Variants in SCEL observed in about 807,000 individuals in gnomAD.
The protein encoded by SCEL is sciellin.
A neutral mutation model predicts 117.6 loss-of-function variants in SCEL; 113 were observed. That is an observed-to-expected ratio of 0.96 (90% CI 0.83 to 1.12). The LOEUF is 1.12. Ranked by LOEUF, SCEL falls within the 50% of genes most tolerant of loss-of-function variation. The probability of loss-of-function intolerance (pLI) is 0.00; values close to 1 mark genes in which losing one functional copy is unlikely to be tolerated. For synonymous variants in SCEL, 270 were observed against 256.2 expected, an observed-to-expected ratio of 1.05 and a Z score of -0.51; for missense variants, 785 against 810.8, an observed-to-expected ratio of 0.97 and a Z score of 0.39.
intron 30 of SCEL, among the ~76,000 whole-genome samples, chr13:77,639,880 A>T (rs9600906): frequency 0.023 from 3,494 of 152,214 alleles, 132 homozygotes; most frequent in African/African-American, 0.08. Flanking sequence ...GGTGCTATTT[A>T]AGAGTGTCCT....
Position 77,613,892 on chromosome 13 carries a change from G to C in SCEL, c.1389-1G>C. ...GCCGATTTCCTCTAATTTTGTTTTA[G>C]CAGTGAACAAGGTCTTGATGAACAT... On this transcript the variant is annotated splice_acceptor_variant, in intron 23 of 32. Coordinates refer to ENST00000349847, the MANE Select transcript of SCEL (RefSeq NM_144777.3). LOFTEE classifies it high-confidence loss of function. 1 of 1,612,910 alleles carries C rather than the reference G, an allele frequency of 6.2e-7. No homozygotes were observed. The highest frequency in any genetic ancestry group is 1.1e-5 in the South Asian group (1 of 90,912).
rs76519599 is a variant in SCEL at position 77,612,852 on chromosome 13, T to G, written c.1338-39T>G. 5.9e-3 allele frequency: 6,994 copies of G among 1,186,612 alleles called. 262 individuals are homozygous for G. The African/African-American group carries it at 0.095, about 16-fold the overall frequency. 73.5% of individuals were successfully genotyped at this position (1,186,612 alleles called of 1,614,324 possible). ...TGAAAAAATATACAAATTATTGGAT[T>G]TTAGTTGACTTAGCTATTGAAACTT... On this transcript the variant is annotated intron_variant, in intron 22 of 32. Coordinates refer to ENST00000349847, the MANE Select transcript of SCEL (RefSeq NM_144777.3).
At position 77,644,868 on chromosome 13, in the gene SCEL, A is replaced by G. The variant is rs1162857349; in HGVS notation, c.*594A>G. 6.6e-6 allele frequency: 1 copy of G among 152,312 alleles called. No individual in the cohort carries two copies. The highest frequency in any genetic ancestry group is 1.5e-5 in the Non-Finnish European group (1 of 68,150). 9.4% of individuals were successfully genotyped at this position (152,312 alleles called of 1,614,324 possible). Reference sequence around the variant, plus strand: ...TTTCTAGGGTTCCTTTTGCTTCCCAAATTCTCTGATTCTAAAGCAGTTTTT... The same window carrying G: ...TTTCTAGGGTTCCTTTTGCTTCCCAGATTCTCTGATTCTAAAGCAGTTTTT... On this transcript the variant is annotated 3_prime_UTR_variant, in exon 33 of 33. Transcript: ENST00000349847.
rs1011711781 is a variant in SCEL at position 77,586,788 on chromosome 13, T to C, written c.546-2356T>C. ...TTGGAGGGTTTATGCAGCCAGACTT[T>C]CCCTTTCAGATTCCCAGCTCTGCCC... On this transcript the variant is annotated intron_variant, in intron 9 of 32. Coordinates refer to ENST00000349847, the MANE Select transcript of SCEL (RefSeq NM_144777.3). Among the ~76,000 whole-genome samples, 4 of 152,296 alleles carry C rather than the reference T, an allele frequency of 2.6e-5. No homozygotes were observed. The South Asian group carries it at 6.2e-4, about 24-fold the overall frequency.
intron 18 of SCEL, 126 bp from the exon 19 acceptor site, chr13:77,604,230 C>G (rs2087939786): frequency 7.3e-6 from 4 of 547,434 alleles, no homozygotes; most frequent in African/African-American, 2.0e-5. Context: ...TCTTTTAGAG[C>G]TTTAAAAATT....
In SCEL at chr13:77,623,642, T is replaced by TA. The variant is rs990378435; in HGVS notation, c.1629-4304dup. On this transcript the variant is annotated intron_variant, in intron 27 of 32. Transcript: ENST00000349847. ...GCACGCATAGGTTGCAATTTTGAGTTATCTATCTGTAGTTGTTGGATTTTT... is the reference window on the plus strand; with the variant it reads ...GCACGCATAGGTTGCAATTTTGAGTTAATCTATCTGTAGTTGTTGGATTTTT... Among the ~76,000 whole-genome samples the TA allele has an allele frequency of 8.5e-5, 13 of 152,332 alleles. No individual in the cohort carries two copies. In the Middle Eastern group the frequency reaches 0.01, roughly 120 times the overall value.
intron 27 of SCEL, chr13:77,623,337 T>C (rs1432337092): frequency 6.6e-6 from 1 of 152,196 alleles, no homozygotes. Flanking sequence ...TATTTTGCAT[T>C]AAATATTAGT....
At chr13:77,586,724 T>C (rs1400113034) in intron 9 of SCEL, among the ~76,000 whole-genome samples, 1 of 152,162 alleles carries the variant, frequency 6.6e-6, no homozygotes. Flanking sequence ...ACTGAGCCAT[T>C]GGTATGGCCC....
At chr13:77,591,039 C>T (rs1451032454) in intron 10 of SCEL, among the ~76,000 whole-genome samples, 3 of 151,956 alleles carry the variant, frequency 2.0e-5, no homozygotes, top group Admixed American at 2.0e-4. Context: ...AGAAAAAAAT[C>T]CCTTTGATGC....
In SCEL at chr13:77,576,750, C is replaced by G. The variant is rs183444674; in HGVS notation, c.545+4561C>G. 3.0e-4 allele frequency among the ~76,000 whole-genome samples: 46 copies of G among 152,220 alleles called. 1 individual carries two copies. Among genetic ancestry groups the G allele is most frequent in the African/African-American group, 1.0e-3 (42 of 41,536 alleles). ...GGCAGTATGGCCATTTTCACAATAT[C>G]GAGTCTTCCTATTCATGAACATGGA... On this transcript the variant is annotated intron_variant, in intron 9 of 32. Transcript: ENST00000349847.
chr13:77,598,662 G>A (rs2154401127), intron 13 of SCEL, among the ~76,000 whole-genome samples: 1 of 152,260 alleles, frequency 6.6e-6, no homozygotes, highest in South Asian at 2.1e-4. Flanking sequence ...AGGAGATCCT[G>A]AAAATCCAGT....
At chr13:77,537,522 G>A (rs931675542) in intron 1 of SCEL, among the ~76,000 whole-genome samples, 2 of 152,146 alleles carry the variant, frequency 1.3e-5, no homozygotes, top group African/African-American at 2.4e-5. Context: ...AATAGAATAC[G>A]TTTTCCAACT....
chr13:77,551,528 A>G (rs1281295009), intron 1 of SCEL, among the ~76,000 whole-genome samples: 1 of 152,168 alleles, frequency 6.6e-6, no homozygotes, highest in African/African-American at 2.4e-5. Flanking sequence ...ATTACTCCTG[A>G]GGCCTCTCTC....
At chr13:77,605,691 C>T (rs1159305373) in intron 19 of SCEL, among the ~76,000 whole-genome samples, 2 of 152,128 alleles carry the variant, frequency 1.3e-5, no homozygotes, top group African/African-American at 4.8e-5. Flanking sequence ...AATCCATGTT[C>T]CTTTTCTAAT....
intron 5 of SCEL, 50 bp from the exon 6 acceptor site, chr13:77,567,630 T>G (rs770145655): frequency 3.0e-6 from 4 of 1,315,690 alleles, no homozygotes; most frequent in Non-Finnish European, 4.4e-6. Flanking sequence ...CTGAAAGGAG[T>G]TTGATAATTT....
At chr13:77,600,529 T>C (rs529051813) in intron 15 of SCEL, among the ~76,000 whole-genome samples, 1 of 152,328 alleles carries the variant, frequency 6.6e-6, no homozygotes, top group South Asian at 2.1e-4. Context: ...TAAATACCTT[T>C]AAATGAAAAG....
intron 1 of SCEL, among the ~76,000 whole-genome samples, chr13:77,537,969 T>C (rs1161851624): frequency 6.6e-6 from 1 of 152,206 alleles, no homozygotes; most frequent in Non-Finnish European, 1.5e-5. Context: ...TCCATATGGC[T>C]TCGCTTTCTG....
intron 20 of SCEL, among the ~76,000 whole-genome samples, 172 bp downstream of exon 20, chr13:77,608,287 A>T (rs111640185): frequency 5.3e-5 from 8 of 152,286 alleles, no homozygotes; most frequent in African/African-American, 1.9e-4. Context: ...CAGCCTCCTT[A>T]GTTATAAACT....
Position 77,645,005 on chromosome 13 carries a change from A to C in SCEL, c.*731A>C, listed in dbSNP as rs193287867. ...AGTGTCATTGTTTAATCACAGACTT[A>C]GTGTTTGAAAACTGTGTTTTAAAAA... On this transcript the variant is annotated 3_prime_UTR_variant, in exon 33 of 33. Coordinates refer to ENST00000349847, the MANE Select transcript of SCEL (RefSeq NM_144777.3). The C allele has an allele frequency of 6.6e-6, 1 of 152,160 alleles. No homozygotes were observed. The highest frequency in any genetic ancestry group is 1.9e-4 in the East Asian group (1 of 5,198). The allele number at this position is 152,160 out of a possible 1,614,324, so 9.4% of individuals were successfully genotyped here.
Sources: allele counts gnomAD v4.1 joint callset (sites outside exome capture counted in the v4.1 genomes callset), GRCh38; gene constraint gnomAD v4.1.1; transcripts MANE v1.5; gene names NCBI Gene and HGNC (gene_info 2026-07-23, HGNC 2026-07-21).